ZZEF1: variants seen among roughly 807,000 people sequenced by gnomAD.
ZZEF1 encodes the protein zinc finger ZZ-type and EF-hand domain-containing protein 1.
A neutral mutation model predicts 342.8 loss-of-function variants in ZZEF1; 157 were observed. The observed-to-expected ratio is 0.46, with a 90% CI of 0.40 to 0.52. ZZEF1 has a LOEUF of 0.52. ZZEF1 is among the 20% of genes least tolerant of loss of function. ZZEF1 has a pLI of 0.00. For missense variants in ZZEF1, 3,480 were observed against 3,725.6 expected (o/e 0.93, Z 1.72); for synonymous variants, 1,505 against 1,429.1 (o/e 1.05, Z -1.20).
At chr17:4,081,565 A>C in intron 17 of ZZEF1, 75 bp from the exon 18 acceptor site, 1 of 1,273,398 alleles carries the variant, frequency 7.9e-7, no homozygotes, top group Non-Finnish European at 1.1e-6. Context: ...AGATTCCAAA[A>C]CAGAGCGCAG....
chr17:4,058,259 G>A (rs773913682), intron 31 of ZZEF1, 104 bp from the exon 32 acceptor site: 21 of 1,252,072 alleles, frequency 1.7e-5, no homozygotes, highest in Non-Finnish European at 2.3e-5. Context: ...AAGCAGAAGG[G>A]AACTTCACAT....
At chr17:4,068,332 C>G (rs1191577511) in intron 26 of ZZEF1, among the ~76,000 whole-genome samples, 1 of 152,118 alleles carries the variant, frequency 6.6e-6, no homozygotes, top group Non-Finnish European at 1.5e-5. Context: ...GACTAGAGTG[C>G]AATGGCGCGA....
At chr17:4,106,380 A>G (rs1701534214) in intron 6 of ZZEF1, among the ~76,000 whole-genome samples, 2 of 151,998 alleles carry the variant, frequency 1.3e-5, no homozygotes, top group Admixed American at 6.6e-5. Flanking sequence ...TCTAGAATCC[A>G]GCTTTCATGT....
chr17:4,075,078 T>C lies in ZZEF1; in HGVS notation c.3483+19A>G, dbSNP rs1178286146. The C allele has an allele frequency of 6.2e-7, 1 of 1,613,870 alleles. No individual in the cohort carries two copies. The highest frequency in any genetic ancestry group is 8.5e-7 in the Non-Finnish European group (1 of 1,179,756). ...CATTGGTGCAGAAGTAGGTACCTCTTTCTGGGACTATCACTCACCTTGGGC... is the reference window on the plus strand; with the variant it reads ...CATTGGTGCAGAAGTAGGTACCTCTCTCTGGGACTATCACTCACCTTGGGC... On this transcript the variant is annotated intron_variant, in intron 23 of 54. Transcript: ENST00000381638.
chr17:4,045,005 T>C (rs1226257818), intron 37 of ZZEF1, among the ~76,000 whole-genome samples: 1 of 151,854 alleles, frequency 6.6e-6, no homozygotes, highest in African/African-American at 2.4e-5. Flanking sequence ...AATACAAAAA[T>C]TAGCTGGGCG....
Position 4,025,030 on chromosome 17 carries a change from G to A in ZZEF1, c.6981C>T (p.Ala2327=). ...AQLSQYSQHF[A]FIASHLLQSS... The stretch of plus-strand genomic sequence containing the variant: ...TTTGCAGAAGGTGACTGGCGATAAA[G>A]GCAAAGTGCTGGGAGTACTGGCTCA... Residue 2327 remains alanine (A), a synonymous_variant, in exon 43 of 55, where the codon GCC becomes GCT. Coordinates refer to ENST00000381638, the MANE Select transcript of ZZEF1 (RefSeq NM_015113.4). The A allele has an allele frequency of 6.2e-7, 1 of 1,614,180 alleles. No individual in the cohort carries two copies. Among genetic ancestry groups the A allele is most frequent in the African/African-American group, 1.3e-5 (1 of 75,030 alleles).
At chr17:4,020,032 G>T in intron 45 of ZZEF1, 1 of 373,566 alleles carries the variant, frequency 2.7e-6, no homozygotes, top group Non-Finnish European at 4.8e-6. Flanking sequence ...AAAATACAAT[G>T]CTGACAGTAG....
At chr17:4,105,668 T>G in intron 7 of ZZEF1, 25 bp downstream of exon 7, 1 of 1,538,174 alleles carries the variant, frequency 6.5e-7, no homozygotes, top group South Asian at 1.1e-5. Flanking sequence ...CTCACAGAGT[T>G]TACCCTCATC....
Position 4,111,144 on chromosome 17 carries a change from T to C in ZZEF1, c.1067-1281A>G, listed in dbSNP as rs375720972. Among the ~76,000 whole-genome samples the C allele has an allele frequency of 3.3e-5, 5 of 152,296 alleles. No individual in the cohort carries two copies. The South Asian group carries it at 6.2e-4, about 19-fold the overall frequency. On this transcript the variant is annotated intron_variant, in intron 5 of 54. Transcript: ENST00000381638. Reference sequence around the variant, plus strand: ...ATATGTATAGATTTATGTGAACAGATACATACAGCTCTATTTTTTAGGAAA... The same window carrying C: ...ATATGTATAGATTTATGTGAACAGACACATACAGCTCTATTTTTTAGGAAA...
At chr17:4,066,122 C>G (rs1567809623) in intron 28 of ZZEF1, among the ~76,000 whole-genome samples, 1 of 152,062 alleles carries the variant, frequency 6.6e-6, no homozygotes. Flanking sequence ...AGCTATATGA[C>G]TGAACCACTG....
chr17:4,041,160 C>T (rs948017404), intron 39 of ZZEF1, among the ~76,000 whole-genome samples: 7 of 152,136 alleles, frequency 4.6e-5, no homozygotes, highest in African/African-American at 9.7e-5. Context: ...TAGACAGGTC[C>T]GGCCAATTCA....
At chr17:4,130,116 A>G (rs1597938972) in intron 1 of ZZEF1, among the ~76,000 whole-genome samples, 1 of 152,160 alleles carries the variant, frequency 6.6e-6, no homozygotes, top group African/African-American at 2.4e-5. Context: ...GTTTACCTCT[A>G]TAACAAAACT....
At chr17:4,048,961 G>A (rs148558949) in intron 37 of ZZEF1, among the ~76,000 whole-genome samples, 125 of 148,804 alleles carry the variant, frequency 8.4e-4, no homozygotes, top group African/African-American at 2.6e-3. Context: ...CTTGTGATCC[G>A]CCCACCTTGG....
chr17:4,082,609 G>A (rs2057745208), intron 16 of ZZEF1, 105 bp from the exon 17 acceptor site: 1 of 1,061,364 alleles, frequency 9.4e-7, no homozygotes, highest in Non-Finnish European at 1.4e-6. Context: ...TCAAGTATGA[G>A]GAATGCCAGG....
In ZZEF1 at chr17:4,076,257, G is replaced by A. The variant is rs978932798; in HGVS notation, c.3234+380C>T. On this transcript the variant is annotated intron_variant, in intron 21 of 54. Coordinates refer to ENST00000381638, the MANE Select transcript of ZZEF1 (RefSeq NM_015113.4). ...CGCCATTCTCCTGCCTCAGCCTCCC[G>A]AGTAGCTGGGACTACAGGCGCCCAC... 6.0e-5 allele frequency: 9 copies of A among 151,170 alleles called. No homozygotes were observed. The South Asian group carries it at 1.2e-3, about 21-fold the overall frequency. 9.4% of individuals were successfully genotyped at this position (151,170 alleles called of 1,614,324 possible). A position where few individuals can be genotyped will look rare whatever the true frequency, so the allele number is the denominator to read the frequency against.
intron 2 of ZZEF1, among the ~76,000 whole-genome samples, chr17:4,119,448 C>T (rs756398039): frequency 2.6e-5 from 4 of 152,184 alleles, no homozygotes; most frequent in South Asian, 2.1e-4. Context: ...CCTTTCCCAC[C>T]GGAACAGCTC....
chr17:4,114,659 A>C (rs753039395), intron 3 of ZZEF1, among the ~76,000 whole-genome samples, 189 bp from the exon 4 acceptor site: 9 of 152,184 alleles, frequency 5.9e-5, no homozygotes, highest in Non-Finnish European at 1.2e-4. Flanking sequence ...CACATGTGTC[A>C]AATATGCCTC....
In ZZEF1 at chr17:4,016,464, G is replaced by C. The variant is rs764580415; in HGVS notation, c.8004C>G (p.Ile2668Met). 6.2e-7 allele frequency: 1 copy of C among 1,608,192 alleles called. No individual in the cohort carries two copies. Among genetic ancestry groups the C allele is most frequent in the Non-Finnish European group, 8.5e-7 (1 of 1,178,820 alleles). The change falls in exon 49 of 55, where the codon ATC becomes ATG. Residue 2668 changes from isoleucine (I) to methionine (M), a missense_variant and splice_region_variant. Ile to Met is a conservative substitution (Grantham distance 10). Coordinates refer to ENST00000381638, the MANE Select transcript of ZZEF1 (RefSeq NM_015113.4). The surrounding 1 kb of genome is among the most constrained non-coding windows in gnomAD (Gnocchi z 4.4). Reference sequence around the variant, plus strand: ...GGCAGCCCTGGAGCACTTTCTGCAGGATCTGGTGGGAAGCAGACAGATAAG... The same window carrying C: ...GGCAGCCCTGGAGCACTTTCTGCAGCATCTGGTGGGAAGCAGACAGATAAG... The part of the protein sequence containing the change: ...QLEEKHEWEK[I>M]LQKVLQGCRE...
chr17:4,008,715 T>C lies in ZZEF1; in HGVS notation c.8805+168A>G, dbSNP rs2055866065. 1 of 1,400,048 alleles carries C rather than the reference T, an allele frequency of 7.1e-7. No individual in the cohort carries two copies. The highest frequency in any genetic ancestry group is 9.3e-7 in the Non-Finnish European group (1 of 1,076,806). 86.7% of individuals were successfully genotyped at this position (1,400,048 alleles called of 1,614,324 possible). A position where few individuals can be genotyped will look rare whatever the true frequency, so the allele number is the denominator to read the frequency against. ...GACTCTGATAAATGGGGCTCGTGCA[T>C]GCTCTCTGAGCACCAGGAGGAAGTG... is the stretch of plus-strand genomic sequence containing the variant. On this transcript the variant is annotated intron_variant, in intron 54 of 54. Transcript: ENST00000381638. This position sits in a 1 kb window ranked among gnomAD's most constrained non-coding sequence, Gnocchi z 4.2.
Sources: allele counts gnomAD v4.1 joint callset (sites outside exome capture counted in the v4.1 genomes callset), GRCh38; gene constraint gnomAD v4.1.1; non-coding constraint Gnocchi (gnomAD v3.1); transcripts MANE v1.5; gene names NCBI Gene and HGNC (gene_info 2026-07-23, HGNC 2026-07-21).